The following RWDD3 variants were observed in gnomAD, a reference collection of about 807,000 sequenced individuals.
The protein encoded by RWDD3 is RWD domain containing 3.
A neutral mutation model predicts 26.5 loss-of-function variants in RWDD3; 30 were observed. The ratio of observed to expected loss-of-function variants is 1.13; its 90% CI spans 0.85 to 1.54. The LOEUF is 1.54. RWDD3 is among the 40% of genes most tolerant of loss of function. The pLI is 0.00. For synonymous variants in RWDD3, 113 were observed against 114.5 expected (o/e 0.99, Z 0.09); for missense variants, 296 against 309.1 (o/e 0.96, Z 0.32).
rs1680876872 is a variant in RWDD3, at chr1:95,246,980, A to C, written c.*110A>C. On this transcript the variant is annotated 3_prime_UTR_variant, in exon 4 of 4. Transcript: ENST00000370202. ...TCAATTTTAAAGTTTCTCTGAAGCA[A>C]AATGATAGGCATCATTCTAACTTCA... is the stretch of plus-strand genomic sequence containing the variant. 1 of 544,880 alleles carries C rather than the reference A, an allele frequency of 1.8e-6. No homozygotes were observed. The highest frequency in any genetic ancestry group is 3.5e-5 in the South Asian group (1 of 28,878). The allele number at this position is 544,880 out of a possible 1,614,324, so 33.8% of individuals were successfully genotyped here. A position where few individuals can be genotyped will look rare whatever the true frequency, so the allele number is the denominator to read the frequency against.
intron 3 of RWDD3, 42 bp downstream of exon 3, chr1:95,246,699 G>A (rs1256056713): frequency 1.1e-5 from 17 of 1,540,658 alleles, no homozygotes; most frequent in Non-Finnish European, 1.5e-5. Flanking sequence ...CAACTGAATC[G>A]ATAATTATAC....
chr1:95,238,629 C>A (rs77695844), intron 1 of RWDD3, among the ~76,000 whole-genome samples: 1 of 140,492 alleles, frequency 7.1e-6, no homozygotes, highest in Non-Finnish European at 1.6e-5. Flanking sequence ...AGAAAAAAAA[C>A]ACAAGTGTAG....
At chr1:95,240,026 C>A in intron 1 of RWDD3, 1 of 922,192 alleles carries the variant, frequency 1.1e-6, no homozygotes, top group Non-Finnish European at 1.5e-6. Context: ...ACATTGCCTT[C>A]TTTTGTAGTA....
In RWDD3 at chr1:95,246,614, A is replaced by G; in HGVS notation, c.646A>G (p.Ile216Val). Residue 216 changes from isoleucine (I) to valine (V), a missense_variant, in exon 3 of 4, where the codon ATT becomes GTT. Physicochemically the swap from Ile to Val is conservative, Grantham distance 29. Transcript: ENST00000370202. ...TGGAAAGAAATGCAAAGAGAAAATG[A>G]TTAGTGTACTGTTTGAAACAAAAGT... ...SSGKKCKEKM[I>V]SVLFETKVQT... The G allele has an allele frequency of 6.2e-7, 1 of 1,612,836 alleles. No homozygotes were observed. Among genetic ancestry groups the G allele is most frequent in the Non-Finnish European group, 8.5e-7 (1 of 1,179,186 alleles).
In RWDD3 at chr1:95,234,263, C is replaced by T. The variant is rs775953224; in HGVS notation, c.33C>T (p.Val11=). MAEPVQEELS[V]LAAIFCRPHE... The stretch of plus-strand genomic sequence containing the variant: ...AGCCTGTGCAGGAGGAGCTCTCGGT[C>T]CTGGCCGCGATTTTCTGCAGGCCCC... The change falls in exon 1 of 4, where the codon GTC becomes GTT. Residue 11 remains valine (V), a synonymous_variant. Transcript: ENST00000370202. The T allele has an allele frequency of 2.4e-5, 39 of 1,598,072 alleles. No individual in the cohort carries two copies. The highest frequency in any genetic ancestry group is 3.0e-5 in the Non-Finnish European group (35 of 1,172,906).
intron 1 of RWDD3, among the ~76,000 whole-genome samples, chr1:95,242,334 A>G (rs1312708496): frequency 6.6e-6 from 1 of 152,226 alleles, no homozygotes; most frequent in Non-Finnish European, 1.5e-5. Flanking sequence ...AGTCAATATG[A>G]TGGGATCTGT....
chr1:95,234,403 A>G, intron 1 of RWDD3, 88 bp downstream of exon 1: 1 of 1,260,712 alleles, frequency 7.9e-7, no homozygotes, highest in Non-Finnish European at 1.1e-6. Context: ...GAGCCTGGGC[A>G]CCCCGCCTGG....
At chr1:95,235,830 G>A (rs991356913) in intron 1 of RWDD3, among the ~76,000 whole-genome samples, 1 of 151,502 alleles carries the variant, frequency 6.6e-6, no homozygotes, top group Non-Finnish European at 1.5e-5. Flanking sequence ...TTGATGATAG[G>A]TGAAACTTAC....
chr1:95,234,175 G>A, upstream of RWDD3: 1 of 1,527,028 alleles, frequency 6.5e-7, no homozygotes, highest in Non-Finnish European at 8.8e-7. Context: ...CTGGCCGGTG[G>A]AGGCGGCGGC....
At chr1:95,245,512 A>C (rs946340481) in intron 2 of RWDD3, among the ~76,000 whole-genome samples, 1 of 152,224 alleles carries the variant, frequency 6.6e-6, no homozygotes, top group African/African-American at 2.4e-5. Context: ...CAAATCTTAA[A>C]GATTTGTAGA....
intron 3 of RWDD3, 42 bp downstream of exon 3, chr1:95,246,699 G>T: frequency 6.5e-7 from 1 of 1,540,658 alleles, no homozygotes; most frequent in South Asian, 1.2e-5. Context: ...CAACTGAATC[G>T]ATAATTATAC....
At chr1:95,241,286 C>T (rs1032894076) in intron 1 of RWDD3, among the ~76,000 whole-genome samples, 1 of 152,134 alleles carries the variant, frequency 6.6e-6, no homozygotes, top group Non-Finnish European at 1.5e-5. Context: ...TGGATTTGGA[C>T]AGTTACTGCT....
rs145587294 is a variant in RWDD3, at chr1:95,244,061, G to A, written c.86-150G>A. On this transcript the variant is annotated intron_variant, in intron 1 of 3. Transcript: ENST00000370202. ...TGAAGGAAATAATTTGTAAATCATA[G>A]CTTTCCTAGTATTACGTGTCCCTTC... 124 of 1,191,978 alleles carry A rather than the reference G, an allele frequency of 1.0e-4. No individual in the cohort carries two copies. In the East Asian group the frequency reaches 1.9e-3, roughly 19 times the overall value. 73.8% of individuals were successfully genotyped at this position (1,191,978 alleles called of 1,614,324 possible).
chr1:95,240,390 A>G (rs937798194), intron 1 of RWDD3, among the ~76,000 whole-genome samples: 1 of 152,218 alleles, frequency 6.6e-6, no homozygotes, highest in Non-Finnish European at 1.5e-5. Context: ...AAAAATGTTA[A>G]TTTAGTTTAA....
chr1:95,239,811 G>T, intron 1 of RWDD3: 1 of 1,287,692 alleles, frequency 7.8e-7, no homozygotes, highest in African/African-American at 1.5e-5. Context: ...ATGAAAATTG[G>T]TAAGGACTGA....
In RWDD3 at chr1:95,244,228, T is replaced by C; in HGVS notation, c.103T>C (p.Phe35Leu). 1.2e-6 allele frequency: 2 copies of C among 1,614,078 alleles called. No homozygotes were observed. Among genetic ancestry groups the C allele is most frequent in the Non-Finnish European group, 1.7e-6 (2 of 1,179,900 alleles). Residue 35 changes from phenylalanine to leucine, a missense_variant, in exon 2 of 4, where the codon TTC (phenylalanine) becomes CTC (leucine). Coordinates refer to ENST00000370202, the MANE Select transcript of RWDD3 (RefSeq NM_015485.5). The part of the protein sequence containing the change: ...LSRSETDGTV[F>L]RIHTKAEGFM... ...CCTTCCAGAGACAGATGGGACCGTG[T>C]TCAGAATTCACACAAAAGCTGAAGG...
At chr1:95,239,117 G>A (rs572834425) in intron 1 of RWDD3, among the ~76,000 whole-genome samples, 8 of 152,242 alleles carry the variant, frequency 5.3e-5, no homozygotes, top group Non-Finnish European at 1.0e-4. Context: ...TCTGGGGCAA[G>A]CCTTAAGTTT....
Position 95,234,302 on chromosome 1 carries a change from G to A in RWDD3, c.72G>A (p.Val24=). 6.3e-7 allele frequency: 1 copy of A among 1,595,044 alleles called. No homozygotes were observed. The highest frequency in any genetic ancestry group is 8.5e-7 in the Non-Finnish European group (1 of 1,171,090). ...TCTGCAGGCCCCACGAGTGGGAGGT[G>A]CTGAGCCGCTCAGGTGACTACCCGC... is the stretch of plus-strand genomic sequence containing the variant. ...AIFCRPHEWE[V]LSRSETDGTV... is the part of the protein sequence containing the mutation. The change falls in exon 1 of 4, where the codon GTG becomes GTA. Residue 24 remains valine (V), a synonymous_variant. Transcript: ENST00000370202.
chr1:95,239,497 A>G (rs3767316), intron 1 of RWDD3, among the ~76,000 whole-genome samples: 53,887 of 152,022 alleles, frequency 0.35, 11,506 homozygotes, highest in Middle Eastern at 0.55. Context: ...ATGTAATTTT[A>G]TTGCCACATT....
Sources: gnomAD v4.1 joint callset for allele counts (sites outside exome capture counted in the v4.1 genomes callset) on GRCh38, gnomAD v4.1.1 for gene constraint, MANE v1.5 for transcripts, NCBI Gene and HGNC (gene_info 2026-07-23, HGNC 2026-07-21) for gene names.